Variants in TBL3 observed in about 807,000 individuals in gnomAD.
The protein encoded by TBL3 is transducin beta-like protein 3.
Under a neutral mutation model 102.7 loss-of-function variants are expected in TBL3, and 71 were observed. The ratio of observed to expected loss-of-function variants is 0.69; its 90% CI spans 0.57 to 0.84. The LOEUF (loss-of-function observed/expected upper bound fraction) is 0.84, where lower values mean the gene tolerates loss of function less well. TBL3 is among the 40% of genes least tolerant of loss of function. The pLI is 0.00. For missense variants in TBL3, 1,188 were observed against 1,098.5 expected (o/e 1.08, Z -1.15); for synonymous variants, 578 against 477.7 (o/e 1.21, Z -2.74).
rs758211735 is a variant in TBL3, at chr16:1,974,358, C to T, written c.190-18C>T. On this transcript the variant is annotated intron_variant, in intron 3 of 21. Transcript: ENST00000568546. ...CAGCCCACTCACACCGTGCTCGGCA[C>T]ACCACTCTTTCTCCTAGGAGGACCA... 4.4e-6 allele frequency: 7 copies of T among 1,604,912 alleles called. No individual in the cohort carries two copies. Among genetic ancestry groups the T allele is most frequent in the African/African-American group, 1.3e-5 (1 of 74,898 alleles).
chr16:1,977,812 G>A lies in TBL3; in HGVS notation c.1958+12G>A. 2.6e-6 allele frequency: 4 copies of A among 1,557,098 alleles called. No homozygotes were observed. The highest frequency in any genetic ancestry group is 2.4e-5 in the East Asian group (1 of 41,352). ...GAGCAGGTGGTCAGGTAAGGCCAGG[G>A]CAGTGGCGCCCCTCCCCGCATCAGC... is the stretch of plus-strand genomic sequence containing the variant. On this transcript the variant is annotated intron_variant, in intron 18 of 21. Transcript: ENST00000568546.
At position 1,979,118 on chromosome 16, in the gene TBL3, G is replaced by A; in HGVS notation, c.*433G>A. 1 of 1,489,378 alleles carries A rather than the reference G, an allele frequency of 6.7e-7. No homozygotes were observed. The highest frequency in any genetic ancestry group is 8.8e-7 in the Non-Finnish European group (1 of 1,134,350). 92.3% of individuals were successfully genotyped at this position (1,489,378 alleles called of 1,614,324 possible). On this transcript the variant is annotated 3_prime_UTR_variant, in exon 22 of 22. Coordinates refer to ENST00000568546, the MANE Select transcript of TBL3 (RefSeq NM_006453.3). ...CTCGAGGGCGGCCCTGGCGCCGTGG[G>A]CGCCGCTCCAGGGCCCTGCGTGTGA...
Position 1,976,327 on chromosome 16 carries a change from G to C in TBL3, c.1292+13G>C. On this transcript the variant is annotated intron_variant, in intron 13 of 21. Coordinates refer to ENST00000568546, the MANE Select transcript of TBL3 (RefSeq NM_006453.3). ...TCTGCTGCTCTAGGTAGTGAGTCGG[G>C]GCTGGGCCCAGGGGTGTCAGGGAGG... 1 of 1,608,914 alleles carries C rather than the reference G, an allele frequency of 6.2e-7. No individual in the cohort carries two copies. Among genetic ancestry groups the C allele is most frequent in the Non-Finnish European group, 8.5e-7 (1 of 1,177,532 alleles).
rs1370531793 is a variant in TBL3, at chr16:1,979,317, A to G, written c.*632A>G. The G allele has an allele frequency of 1.9e-6, 3 of 1,573,238 alleles. No homozygotes were observed. The highest frequency in any genetic ancestry group is 3.5e-5 in the Admixed American group (2 of 57,170). ...GCCCAGCCCTTCCGGCCGCAGCAGC[A>G]CCGCGGGGAGTAGGCCCGCCCGGTC... On this transcript the variant is annotated 3_prime_UTR_variant, in exon 22 of 22. Coordinates refer to ENST00000568546, the MANE Select transcript of TBL3 (RefSeq NM_006453.3).
rs1326077267 is a variant in TBL3 at position 1,977,560 on chromosome 16, T to A, written c.1789T>A (p.Cys597Ser). ...GCTCTGGACCATCAAGAACAACGAG[T>A]GTGTGCGGACGCTGGATGCCCACGA... is the stretch of plus-strand genomic sequence containing the variant. ...VKLWTIKNNECVRTLDAHEDK... is the reference protein window; with the variant it reads ...VKLWTIKNNESVRTLDAHEDK... Residue 597 changes from cysteine (C) to serine (S), a missense_variant, in exon 17 of 22, where the codon TGT becomes AGT. Cys to Ser is a moderately radical substitution (Grantham distance 112). Transcript: ENST00000568546. 3 of 1,594,488 alleles carry A rather than the reference T, an allele frequency of 1.9e-6. No homozygotes were observed. The highest frequency in any genetic ancestry group is 2.6e-6 in the Non-Finnish European group (3 of 1,169,966).
At position 1,977,120 on chromosome 16, in the gene TBL3, G is replaced by A; in HGVS notation, c.1507G>A (p.Ala503Thr). The A allele has an allele frequency of 6.2e-7, 1 of 1,613,056 alleles. No individual in the cohort carries two copies. ...LLATGSQDRT[A>T]KLWALPQCQL... ...GGCCACAGGCTCACAGGACCGCACG[G>A]CCAAGCTCTGGGCCCTGCCACAGTG... is the stretch of plus-strand genomic sequence containing the variant. The change falls in exon 15 of 22, where the codon GCC becomes ACC. Residue 503 changes from alanine (A) to threonine (T), a missense_variant. Physicochemically the swap from Ala to Thr is moderately conservative, Grantham distance 58 (BLOSUM62 0). Transcript: ENST00000568546.
intron 13 of TBL3, 129 bp downstream of exon 13, chr16:1,976,443 T>C (rs919436386): frequency 1.5e-5 from 12 of 787,122 alleles, no homozygotes; most frequent in East Asian, 2.7e-5. Context: ...AGCCCAAAGA[T>C]GTGGAACAGA....
chr16:1,975,342 C>T lies in TBL3; in HGVS notation c.712-3C>T. 1 of 1,614,050 alleles carries T rather than the reference C, an allele frequency of 6.2e-7. No individual in the cohort carries two copies. The highest frequency in any genetic ancestry group is 8.5e-7 in the Non-Finnish European group (1 of 1,180,026). On this transcript the variant is annotated splice_region_variant and splice_polypyrimidine_tract_variant and intron_variant, in intron 8 of 21. Coordinates refer to ENST00000568546, the MANE Select transcript of TBL3 (RefSeq NM_006453.3). ...AGCAGCCTGTGACCCAATTCGTCTC[C>T]AGAGCGTGGAGGCTGCTGTGCTGTT...
Position 1,978,420 on chromosome 16 carries a change from C to T in TBL3, c.2242C>T (p.Leu748=), listed in dbSNP as rs767360004. The T allele has an allele frequency of 1.2e-6, 2 of 1,611,002 alleles. No individual in the cohort carries two copies. The highest frequency in any genetic ancestry group is 1.3e-5 in the African/African-American group (1 of 74,890). Residue 748 remains leucine, a synonymous_variant, in exon 21 of 22, where the codon CTG becomes TTG. Transcript: ENST00000568546. ...LLRREAPEEL[L]AYEGVRAALE... is the part of the protein sequence containing the mutation. ...GAGGCGAGAGGCCCCCGAGGAGCTGCTGGCCTACGAAGGCGTGCGGGCAGC... is the reference window on the plus strand; with the variant it reads ...GAGGCGAGAGGCCCCCGAGGAGCTGTTGGCCTACGAAGGCGTGCGGGCAGC...
chr16:1,974,760 C>A lies in TBL3; in HGVS notation c.380-3C>A. 6.2e-7 allele frequency: 1 copy of A among 1,612,658 alleles called. No homozygotes were observed. Among genetic ancestry groups the A allele is most frequent in the South Asian group, 1.1e-5 (1 of 91,084 alleles). On this transcript the variant is annotated splice_region_variant and splice_polypyrimidine_tract_variant and intron_variant, in intron 5 of 21. Transcript: ENST00000568546. ...TCCACCCCCTCACCTTGCTTCCCCG[C>A]AGGTGGCTGTGATGGGGCCGTGCGC...
chr16:1,978,435 G>C lies in TBL3; in HGVS notation c.2257G>C (p.Val753Leu). ...APEELLAYEG[V>L]RAALEALLPY... ...CGAGGAGCTGCTGGCCTACGAAGGCGTGCGGGCAGCGCTTGAGGCCCTGCT... is the reference window on the plus strand; with the variant it reads ...CGAGGAGCTGCTGGCCTACGAAGGCCTGCGGGCAGCGCTTGAGGCCCTGCT... The change falls in exon 21 of 22, where the codon GTG becomes CTG. Residue 753 changes from valine to leucine, a missense_variant. Val to Leu is a conservative substitution (Grantham distance 32, BLOSUM62 1). Coordinates refer to ENST00000568546, the MANE Select transcript of TBL3 (RefSeq NM_006453.3). The C allele has an allele frequency of 6.2e-7, 1 of 1,609,908 alleles. No individual in the cohort carries two copies. The highest frequency in any genetic ancestry group is 8.5e-7 in the Non-Finnish European group (1 of 1,178,344).
chr16:1,976,717 G>C, intron 13 of TBL3, 97 bp from the exon 14 acceptor site: 1 of 1,497,170 alleles, frequency 6.7e-7, no homozygotes, highest in African/African-American at 1.4e-5. Context: ...AGGCCCCGTG[G>C]TCTGGACCGT....
chr16:1,972,218 C>A lies in TBL3; in HGVS notation c.41+13C>A. On this transcript the variant is annotated intron_variant, in intron 1 of 21. Coordinates refer to ENST00000568546, the MANE Select transcript of TBL3 (RefSeq NM_006453.3). ...GCTTCAAGACCAAGTGAGCCCGGAG[C>A]TCTGGGGCCGTGCGGGGAGGGAGCT... 1 of 1,379,452 alleles carries A rather than the reference C, an allele frequency of 7.2e-7. No individual in the cohort carries two copies. Among genetic ancestry groups the A allele is most frequent in the South Asian group, 1.6e-5 (1 of 60,958 alleles). 85.5% of individuals were successfully genotyped at this position (1,379,452 alleles called of 1,614,324 possible). A position where few individuals can be genotyped will look rare whatever the true frequency, so the allele number is the denominator to read the frequency against.
intron 1 of TBL3, 95 bp from the exon 2 acceptor site, chr16:1,973,961 A>G: frequency 1.5e-6 from 2 of 1,340,758 alleles, no homozygotes; most frequent in Non-Finnish European, 2.0e-6. Context: ...GGCAGGGGCC[A>G]TTGGGGTCAC....
chr16:1,975,587 G>A lies in TBL3; in HGVS notation c.864G>A (p.Pro288=), dbSNP rs367676223. ...SGQCVYTQAQ[P]PGPGQELTHC... ...AGTGTGTGTACACGCAGGCCCAGCC[G>A]CCGGGCCCTGGGCAGGAGCTGACCC... The change falls in exon 10 of 22, where the codon CCG becomes CCA. Residue 288 remains proline, a synonymous_variant. Transcript: ENST00000568546. 7.8e-5 allele frequency: 125 copies of A among 1,599,930 alleles called. No homozygotes were observed. Among genetic ancestry groups the A allele is most frequent in the Admixed American group, 2.5e-4 (15 of 59,912 alleles).
chr16:1,977,306 C>T, intron 15 of TBL3, 22 bp downstream of exon 15: 1 of 1,613,214 alleles, frequency 6.2e-7, no homozygotes, highest in Non-Finnish European at 8.5e-7. Flanking sequence ...TCCAGACCCT[C>T]CCCACTTCCC....
Position 1,979,176 on chromosome 16 carries a change from G to T in TBL3, c.*491G>T. ...GCAGCGGCTCTGGATGGCGCCCGGC[G>T]AAGGTCGGGTGGGCACGGTGGGGGG... On this transcript the variant is annotated 3_prime_UTR_variant, in exon 22 of 22. Transcript: ENST00000568546. 1 of 1,456,254 alleles carries T rather than the reference G, an allele frequency of 6.9e-7. No individual in the cohort carries two copies. Among genetic ancestry groups the T allele is most frequent in the Non-Finnish European group, 9.0e-7 (1 of 1,113,314 alleles). 90.2% of individuals were successfully genotyped at this position (1,456,254 alleles called of 1,614,324 possible). A position where few individuals can be genotyped will look rare whatever the true frequency, so the allele number is the denominator to read the frequency against.
In TBL3 at chr16:1,978,845, C is replaced by T. The variant is rs1015586164; in HGVS notation, c.*160C>T. 4.3e-6 allele frequency: 5 copies of T among 1,157,204 alleles called. No individual in the cohort carries two copies. The African/African-American group carries it at 7.7e-5, about 18-fold the overall frequency. 71.7% of individuals were successfully genotyped at this position (1,157,204 alleles called of 1,614,324 possible). ...GGCACTGGAGCTGATGGTCTCGGCC[C>T]TGCCACGCCCATCCCGCACCCTGGC... is the stretch of plus-strand genomic sequence containing the variant. On this transcript the variant is annotated 3_prime_UTR_variant, in exon 22 of 22. Coordinates refer to ENST00000568546, the MANE Select transcript of TBL3 (RefSeq NM_006453.3).
In TBL3 at chr16:1,979,769, G is replaced by C. The variant is rs1207209232; in HGVS notation, c.*1084G>C. On this transcript the variant is annotated 3_prime_UTR_variant, in exon 22 of 22. Coordinates refer to ENST00000568546, the MANE Select transcript of TBL3 (RefSeq NM_006453.3). ...CGGTCAAGCCGCAGTGGTGGCGTGA[G>C]GGGTGGGGTTAGGCGCATACCGCTG... The C allele has an allele frequency of 1.3e-6, 2 of 1,487,282 alleles. No individual in the cohort carries two copies. Among genetic ancestry groups the C allele is most frequent in the Admixed American group, 2.1e-5 (1 of 47,506 alleles). The allele number at this position is 1,487,282 out of a possible 1,614,324, so 92.1% of individuals were successfully genotyped here. A position where few individuals can be genotyped will look rare whatever the true frequency, so the allele number is the denominator to read the frequency against.
Sources: allele counts gnomAD v4.1 joint callset, GRCh38; gene constraint gnomAD v4.1.1; transcripts MANE v1.5; gene names NCBI Gene and HGNC (gene_info 2026-07-23, HGNC 2026-07-21).